The following TUBGCP3 variants were observed in gnomAD, a reference collection of about 807,000 sequenced individuals.
TUBGCP3 encodes the protein tubulin gamma complex component 3.
TUBGCP3 carries 50 observed loss-of-function variants against 123.1 expected under a neutral mutation model. The ratio of observed to expected loss-of-function variants is 0.41; its 90% confidence interval spans 0.32 to 0.51. The LOEUF is 0.51. TUBGCP3 is among the 20% of genes least tolerant of loss of function. TUBGCP3 has a pLI of 0.36. For missense variants in TUBGCP3, 882 were observed against 1,127.0 expected (o/e 0.78, Z 3.11); for synonymous variants, 405 against 413.9 (o/e 0.98, Z 0.26).
intron 19 of TUBGCP3, among the ~76,000 whole-genome samples, chr13:112,503,343 T>A (rs1881060849): frequency 6.6e-6 from 1 of 152,166 alleles, no homozygotes; most frequent in South Asian, 2.1e-4. Flanking sequence ...ATGTCATACA[T>A]GTCACCATGG....
At chr13:112,496,428 G>C (rs540784957) in intron 20 of TUBGCP3, among the ~76,000 whole-genome samples, 4 of 152,360 alleles carry the variant, frequency 2.6e-5, no homozygotes, top group African/African-American at 7.2e-5. Context: ...GAGGCGACTT[G>C]CATGATCTCT....
chr13:112,566,198 A>C (rs1880945263), intron 2 of TUBGCP3, among the ~76,000 whole-genome samples: 1 of 152,182 alleles, frequency 6.6e-6, no homozygotes, highest in Admixed American at 6.5e-5. Context: ...AAGAGAACCT[A>C]CTTTGCTCAC....
chr13:112,498,947 A>G, intron 20 of TUBGCP3, 98 bp downstream of exon 20: 1 of 1,614,172 alleles, frequency 6.2e-7, no homozygotes, highest in Non-Finnish European at 8.5e-7. Context: ...CTGTCTGACA[A>G]TTTTGGCAAG....
chr13:112,543,074 C>G (rs987725204), intron 11 of TUBGCP3, among the ~76,000 whole-genome samples: 1 of 152,140 alleles, frequency 6.6e-6, no homozygotes, highest in Non-Finnish European at 1.5e-5. Flanking sequence ...TGCTTGAACC[C>G]CAGAGGTGGA....
intron 3 of TUBGCP3, 66 bp downstream of exon 3, chr13:112,565,045 G>T: frequency 7.6e-7 from 1 of 1,308,968 alleles, no homozygotes; most frequent in Non-Finnish European, 1.0e-6. Context: ...AACATTCAAA[G>T]GTTCCTATAC....
At chr13:112,534,277 C>T (rs111986508) in intron 11 of TUBGCP3, among the ~76,000 whole-genome samples, 19 of 152,250 alleles carry the variant, frequency 1.2e-4, no homozygotes, top group African/African-American at 3.4e-4. Flanking sequence ...CCGGGCGCGG[C>T]GGCTCACGCC....
Position 112,519,031 on chromosome 13 carries a change from CACCTGGAG to C in TUBGCP3, c.1886_1893del (p.Ser629Ter). ...AGGCTGAAGACATCCCATCCAGTGT[CACCTGGAG>C]AGACCTAACAACAGAAACAAACACA... On this transcript the variant is annotated frameshift_variant, in exon 16 of 22. Coordinates refer to ENST00000261965, the MANE Select transcript of TUBGCP3 (RefSeq NM_006322.6). LOFTEE classifies it high-confidence loss of function. The surrounding 1 kb of genome is among the most constrained non-coding windows in gnomAD (Gnocchi z 6.2). 6.2e-7 allele frequency: 1 copy of C among 1,613,480 alleles called. No individual in the cohort carries two copies. Among genetic ancestry groups the C allele is most frequent in the Non-Finnish European group, 8.5e-7 (1 of 1,179,376 alleles).
chr13:112,567,671 T>A (rs1881056582), intron 2 of TUBGCP3, among the ~76,000 whole-genome samples: 1 of 152,174 alleles, frequency 6.6e-6, no homozygotes. Flanking sequence ...CATTTCAGAC[T>A]CCCACTGCTC....
chr13:112,533,118 G>A (rs1336712706), intron 11 of TUBGCP3, among the ~76,000 whole-genome samples: 3 of 152,208 alleles, frequency 2.0e-5, no homozygotes, highest in South Asian at 2.1e-4. Context: ...GCCTTCACAC[G>A]TGGAATGAGC....
intron 20 of TUBGCP3, among the ~76,000 whole-genome samples, chr13:112,495,668 C>A (rs992741822): frequency 6.6e-6 from 1 of 152,156 alleles, no homozygotes; most frequent in Non-Finnish European, 1.5e-5. Context: ...ATTTCCCAAT[C>A]CACGTTTACA....
At chr13:112,520,747 C>T (rs1198008264) in intron 14 of TUBGCP3, among the ~76,000 whole-genome samples, 2 of 152,126 alleles carry the variant, frequency 1.3e-5, no homozygotes, top group Non-Finnish European at 2.9e-5. Flanking sequence ...CCAAGAAACA[C>T]TACACTTTCA....
intron 19 of TUBGCP3, among the ~76,000 whole-genome samples, chr13:112,503,407 T>C (rs553098138): frequency 6.6e-6 from 1 of 152,344 alleles, no homozygotes; most frequent in South Asian, 2.1e-4. Flanking sequence ...TCTCGATCTG[T>C]TGCCCAGGCT....
intron 20 of TUBGCP3, among the ~76,000 whole-genome samples, chr13:112,490,046 C>T (rs1879973404): frequency 6.6e-6 from 1 of 152,080 alleles, no homozygotes. Flanking sequence ...ATAACAAAGA[C>T]AGTATGTGTG....
At chr13:112,557,540 C>G (rs1880142138) in intron 5 of TUBGCP3, among the ~76,000 whole-genome samples, 1 of 152,174 alleles carries the variant, frequency 6.6e-6, no homozygotes, top group Admixed American at 6.5e-5. Context: ...TGGCAAAAAG[C>G]AAAGCCACCC....
chr13:112,499,847 T>C (rs1880786477), intron 19 of TUBGCP3, among the ~76,000 whole-genome samples: 1 of 152,196 alleles, frequency 6.6e-6, no homozygotes. Context: ...ACCTCATTAA[T>C]CTTTCTCCTA....
chr13:112,605,260 G>C, the TUBGCP3 span: 1 of 152,128 alleles, frequency 6.6e-6, no homozygotes, highest in Non-Finnish European at 1.5e-5. Flanking sequence ...AGTGAGCCAA[G>C]ATCGCACCAC....
intron 19 of TUBGCP3, among the ~76,000 whole-genome samples, chr13:112,502,549 T>TTC (rs1555337686): frequency 6.7e-6 from 1 of 148,218 alleles, no homozygotes; most frequent in East Asian, 1.9e-4. Flanking sequence ...CTTCTTTTTT[T>TTC]TTTTTTTTTT....
intron 21 of TUBGCP3, among the ~76,000 whole-genome samples, chr13:112,486,602 G>C (rs577081538): frequency 1.3e-5 from 2 of 152,192 alleles, no homozygotes; most frequent in Non-Finnish European, 2.9e-5. Context: ...GCATCAGTCG[G>C]GTCTTTGGGT....
At chr13:112,604,152 C>G in the TUBGCP3 span, 7 of 152,200 alleles carry the variant, frequency 4.6e-5, no homozygotes, top group Admixed American at 4.6e-4. Flanking sequence ...TTTGACCTAC[C>G]AGTCTCTTAT....
Sources: gnomAD v4.1 joint callset for allele counts (sites outside exome capture counted in the v4.1 genomes callset) on GRCh38, gnomAD v4.1.1 for gene constraint, Gnocchi (gnomAD v3.1) non-coding constraint, MANE v1.5 for transcripts, NCBI Gene and HGNC (gene_info 2026-07-23, HGNC 2026-07-21) for gene names.